ARK2C: variants seen among roughly 807,000 people sequenced by gnomAD.
ARK2C encodes arkadia (RNF111) C-terminal like ring finger ubiquitin ligase 2C, also known as E3 ubiquitin-protein ligase ARK2C.
chr18:46,389,265 G>T, the ARK2C span, among the ~76,000 whole-genome samples: 1 of 152,236 alleles, frequency 6.6e-6, no homozygotes, highest in Non-Finnish European at 1.5e-5. Context: ...CAAACTGAAA[G>T]ATAGAGATTC....
chr18:46,378,585 T>G, the ARK2C span, among the ~76,000 whole-genome samples: 4 of 152,198 alleles, frequency 2.6e-5, no homozygotes, highest in African/African-American at 9.7e-5. Flanking sequence ...TTGTTCCAGT[T>G]TCATTTAGGA....
the ARK2C span, among the ~76,000 whole-genome samples, chr18:46,434,031 CTAGA>C: frequency 6.6e-6 from 1 of 152,196 alleles, no homozygotes; most frequent in Non-Finnish European, 1.5e-5. Flanking sequence ...AGCCCACGGT[CTAGA>C]TAGAGTCCGG....
the ARK2C span, among the ~76,000 whole-genome samples, chr18:46,366,725 T>G: frequency 6.6e-6 from 1 of 152,330 alleles, no homozygotes; most frequent in Non-Finnish European, 1.5e-5. Flanking sequence ...CACGGAAGCT[T>G]TCTCTGACCT....
At chr18:46,428,976 TG>T in the ARK2C span, among the ~76,000 whole-genome samples, 2 of 152,318 alleles carry the variant, frequency 1.3e-5, no homozygotes, top group East Asian at 3.9e-4. Context: ...ATCCCTCTAC[TG>T]TGCTTCCCTT....
the ARK2C span, among the ~76,000 whole-genome samples, chr18:46,454,548 A>G: frequency 6.6e-6 from 1 of 152,144 alleles, no homozygotes; most frequent in African/African-American, 2.4e-5. Flanking sequence ...GAGCAGAACA[A>G]ATAGATTTTC....
At chr18:46,381,818 G>A in the ARK2C span, among the ~76,000 whole-genome samples, 4,529 of 145,466 alleles carry the variant, frequency 0.031, 122 homozygotes, top group African/African-American at 0.071. Flanking sequence ...GTGACAGAGC[G>A]AGACCCTGTC....
At chr18:46,334,670 C>G in the ARK2C span, 8 of 292,952 alleles carry the variant, frequency 2.7e-5, no homozygotes, top group Non-Finnish European at 2.9e-5. The surrounding 1 kb of genome is among the most constrained non-coding windows in gnomAD (Gnocchi z 4.4). Flanking sequence ...AGATACATGA[C>G]CGTGTGTGTG....
chr18:46,440,439 T>C, the ARK2C span, among the ~76,000 whole-genome samples: 5 of 152,234 alleles, frequency 3.3e-5, no homozygotes, highest in African/African-American at 1.2e-4. Flanking sequence ...AGAAACATAG[T>C]ATATATAGGA....
At chr18:46,425,124 A>C in the ARK2C span, among the ~76,000 whole-genome samples, 1 of 152,052 alleles carries the variant, frequency 6.6e-6, no homozygotes, top group South Asian at 2.1e-4. Context: ...CTGCCCCAAC[A>C]CTGGGGAAGA....
At chr18:46,383,752 C>T in the ARK2C span, among the ~76,000 whole-genome samples, 3 of 151,986 alleles carry the variant, frequency 2.0e-5, no homozygotes, top group East Asian at 1.9e-4. Context: ...GACGGGGTTT[C>T]ACCGTGTTGG....
the ARK2C span, among the ~76,000 whole-genome samples, chr18:46,348,944 G>T: frequency 3.6e-5 from 5 of 139,776 alleles, no homozygotes; most frequent in Admixed American, 3.7e-4. Flanking sequence ...GTGTGTGTGT[G>T]TGTGATTTCT....
At chr18:46,379,188 C>T in the ARK2C span, among the ~76,000 whole-genome samples, 1 of 152,190 alleles carries the variant, frequency 6.6e-6, no homozygotes, top group Non-Finnish European at 1.5e-5. Flanking sequence ...TTGCTGGAAA[C>T]GCTATCATTC....
At chr18:46,341,945 AG>A in the ARK2C span, among the ~76,000 whole-genome samples, 1 of 152,300 alleles carries the variant, frequency 6.6e-6, no homozygotes, top group East Asian at 1.9e-4. Context: ...ACATGGGAGC[AG>A]GGGGAACGGG....
the ARK2C span, among the ~76,000 whole-genome samples, chr18:46,376,009 C>T: frequency 6.6e-6 from 1 of 152,130 alleles, no homozygotes; most frequent in Non-Finnish European, 1.5e-5. Flanking sequence ...CAGAGGGTGG[C>T]CTGAGGGTGA....
the ARK2C span, chr18:46,386,665 T>C: frequency 6.6e-6 from 1 of 152,208 alleles, no homozygotes; most frequent in African/African-American, 2.4e-5. Context: ...TATAGAGTAG[T>C]GAACAAAACA....
At chr18:46,421,361 C>T in the ARK2C span, among the ~76,000 whole-genome samples, 14 of 147,978 alleles carry the variant, frequency 9.5e-5, no homozygotes, top group Admixed American at 2.7e-4. Flanking sequence ...CTCACCTGTT[C>T]GTGATCATTC....
the ARK2C span, among the ~76,000 whole-genome samples, chr18:46,432,007 T>G: frequency 6.6e-6 from 1 of 152,270 alleles, no homozygotes; most frequent in Non-Finnish European, 1.5e-5. Flanking sequence ...GATGTCACCT[T>G]TCCTGTTATC....
At chr18:46,447,312 C>A in the ARK2C span, 2 of 436,336 alleles carry the variant, frequency 4.6e-6, no homozygotes, top group African/African-American at 2.0e-5. Context: ...GAGCTTTGGT[C>A]CCCTAGTTTA....
At chr18:46,456,447 GGT>G in the ARK2C span, 1 of 1,105,746 alleles carries the variant, frequency 9.0e-7, no homozygotes, top group Admixed American at 1.7e-5. Flanking sequence ...AGGAGTCCTA[GGT>G]GTGTGTCCCT....
Sources: allele counts gnomAD v4.1 joint callset (sites outside exome capture counted in the v4.1 genomes callset), GRCh38; gene constraint gnomAD v4.1.1; non-coding constraint Gnocchi (gnomAD v3.1); transcripts MANE v1.5; gene names NCBI Gene and HGNC (gene_info 2026-07-23, HGNC 2026-07-21).